The following GABRA3 variants were observed in gnomAD, a reference collection of about 807,000 sequenced individuals.
GABRA3 encodes gamma-aminobutyric acid type A receptor subunit alpha3.
GABRA3 carries 10 observed loss-of-function variants against 30.1 expected under a neutral mutation model. The ratio of observed to expected loss-of-function variants is 0.33; its 90% CI spans 0.20 to 0.56. GABRA3 has a LOEUF of 0.56. Among genes scored for constraint, GABRA3 ranks in the 20% least tolerant of loss-of-function variants. GABRA3 has a pLI of 0.89. For synonymous variants in GABRA3, 151 were observed against 146.8 expected (o/e 1.03, Z -0.21); for missense variants, 233 against 392.0 (o/e 0.59, Z 3.42).
chrX:152,356,862 T>C (rs1453138989), intron 2 of GABRA3, among the ~76,000 whole-genome samples: 1 of 112,050 alleles, frequency 8.9e-6, no homozygotes, highest in Non-Finnish European at 1.9e-5. Context: ...ATTGTTCCTG[T>C]GTTAGTTTGC....
chrX:152,242,942 A>G (rs1043159042), intron 5 of GABRA3, among the ~76,000 whole-genome samples: 12 of 112,481 alleles, frequency 1.1e-4, no homozygotes, highest in African/African-American at 3.9e-4. Flanking sequence ...ATTATTCACA[A>G]TAGCCAAGAT....
chrX:152,440,991 AC>A (rs1930913231), intron 1 of GABRA3, among the ~76,000 whole-genome samples: 2 of 94,660 alleles, frequency 2.1e-5, no homozygotes, highest in South Asian at 1.1e-3. Context: ...CTGCACATGT[AC>A]CTCAGACTTA....
chrX:152,186,377 AT>A (rs1320326441), intron 9 of GABRA3, among the ~76,000 whole-genome samples: 1 of 109,280 alleles, frequency 9.2e-6, no homozygotes, highest in Non-Finnish European at 1.9e-5. Context: ...AATTTTTTGT[AT>A]TTTTGTAGAG....
chrX:152,312,126 G>T (rs1939806675), intron 3 of GABRA3, among the ~76,000 whole-genome samples: 1 of 111,633 alleles, frequency 9.0e-6, no homozygotes, highest in Non-Finnish European at 1.9e-5. Context: ...TCTTAAAATG[G>T]CCATACTGAC....
At chrX:152,173,980 C>G (rs1455002817) in intron 9 of GABRA3, among the ~76,000 whole-genome samples, 2 of 109,573 alleles carry the variant, frequency 1.8e-5, no homozygotes, top group Non-Finnish European at 3.8e-5. Context: ...GTGATGTTCC[C>G]CTTCCTGTGC....
chrX:152,395,145 T>TA (rs777988859), intron 1 of GABRA3, among the ~76,000 whole-genome samples: 2 of 110,439 alleles, frequency 1.8e-5, no homozygotes, highest in South Asian at 3.9e-4. Context: ...TAATGACTCA[T>TA]AAAAAAAATA....
At chrX:152,383,973 C>CAAAAAAAAAAAAAA in intron 1 of GABRA3, among the ~76,000 whole-genome samples, 1 of 73,234 alleles carries the variant, frequency 1.4e-5, no homozygotes, top group Non-Finnish European at 2.5e-5. Flanking sequence ...GACTCCACCA[C>CAAAAAAAAAAAAAA]AAAAAAAAAA....
chrX:152,296,348 A>G (rs1185756582), intron 3 of GABRA3, among the ~76,000 whole-genome samples: 2 of 111,778 alleles, frequency 1.8e-5, no homozygotes, highest in African/African-American at 6.5e-5. Context: ...CACGTTAACG[A>G]CCTTTCCATT....
intron 4 of GABRA3, among the ~76,000 whole-genome samples, chrX:152,272,992 G>A (rs999257262): frequency 9.0e-6 from 1 of 111,339 alleles, no homozygotes; most frequent in Admixed American, 9.6e-5. Flanking sequence ...CCCAATCTTG[G>A]GCAGTTCTTT....
chrX:152,192,381 C>T (rs1403430134), intron 8 of GABRA3, among the ~76,000 whole-genome samples: 2 of 112,156 alleles, frequency 1.8e-5, no homozygotes, highest in East Asian at 5.6e-4. Flanking sequence ...AGTGCACTTA[C>T]GTGATGACAT....
In GABRA3 at chrX:152,315,310, G is replaced by A. The variant is rs987299265; in HGVS notation, c.262+30271C>T. ...GAGCTGAGACAATTTAGAGAGCCAC[G>A]CAAAATACAGGGGTAGAGGAAGCAG... On this transcript the variant is annotated intron_variant, in intron 3 of 9. Transcript: ENST00000370314. 4.5e-5 allele frequency among the ~76,000 whole-genome samples: 5 copies of A among 111,337 alleles called. No homozygotes were observed. In the East Asian group the frequency reaches 8.6e-4, roughly 19 times the overall value.
chrX:152,337,357 C>G (rs967045338), intron 3 of GABRA3, among the ~76,000 whole-genome samples: 14 of 111,532 alleles, frequency 1.3e-4, no homozygotes, highest in African/African-American at 4.6e-4. Context: ...CTTCATCTCT[C>G]CCTTCCTCCC....
intron 1 of GABRA3, among the ~76,000 whole-genome samples, chrX:152,424,562 A>C (rs919014099): frequency 9.0e-6 from 1 of 111,564 alleles, no homozygotes; most frequent in African/African-American, 3.3e-5. Context: ...CAATGGCTTC[A>C]AGAGTAATCT....
intron 1 of GABRA3, among the ~76,000 whole-genome samples, chrX:152,448,320 T>C (rs1931138573): frequency 8.9e-6 from 1 of 112,245 alleles, no homozygotes; most frequent in African/African-American, 3.2e-5. Context: ...TTTTACACAT[T>C]AAAGTTTGAG....
intron 9 of GABRA3, among the ~76,000 whole-genome samples, chrX:152,188,330 G>A (rs919485413): frequency 1.2e-3 from 130 of 111,619 alleles, no homozygotes; most frequent in African/African-American, 4.0e-3. Context: ...GTAGAACTAT[G>A]ACTAAACAAT....
At chrX:152,274,202 A>C (rs968120729) in intron 4 of GABRA3, among the ~76,000 whole-genome samples, 5 of 111,957 alleles carry the variant, frequency 4.5e-5, no homozygotes, top group African/African-American at 1.6e-4. Context: ...CTACTGCAAA[A>C]AATTGAATTA....
chrX:152,271,604 C>T (rs1431662107), intron 4 of GABRA3, among the ~76,000 whole-genome samples: 2 of 112,421 alleles, frequency 1.8e-5, no homozygotes, highest in Non-Finnish European at 3.8e-5. Flanking sequence ...TTCAAGCTGG[C>T]TGCAGAAATT....
intron 4 of GABRA3, among the ~76,000 whole-genome samples, chrX:152,261,883 C>A (rs954497876): frequency 8.0e-5 from 9 of 112,701 alleles, no homozygotes; most frequent in African/African-American, 2.6e-4. Flanking sequence ...CCACACTGCC[C>A]TAGCAGAGGT....
intron 5 of GABRA3, 76 bp from the exon 6 acceptor site, chrX:152,224,921 G>A: frequency 1.5e-6 from 1 of 685,475 alleles, no homozygotes; most frequent in Non-Finnish European, 2.2e-6. Flanking sequence ...TTCCCACTCA[G>A]TTCCTAAGAA....
Sources: gnomAD v4.1 joint callset for allele counts (sites outside exome capture counted in the v4.1 genomes callset) on GRCh38, gnomAD v4.1.1 for gene constraint, MANE v1.5 for transcripts, NCBI Gene and HGNC (gene_info 2026-07-23, HGNC 2026-07-21) for gene names.